Variants in ZC3H14 observed in about 807,000 individuals in gnomAD.
The protein encoded by ZC3H14 is zinc finger CCCH domain-containing protein 14.
Under a neutral mutation model 92.4 loss-of-function variants are expected in ZC3H14, and 31 were observed. The observed-to-expected ratio is 0.34, with a 90% CI of 0.25 to 0.45. The LOEUF is 0.45. Ranked by LOEUF, ZC3H14 falls within the 20% of genes least tolerant of loss-of-function variation. The probability of loss-of-function intolerance (pLI) is 1.00; values close to 1 mark genes in which losing one functional copy is unlikely to be tolerated. For missense variants in ZC3H14, 781 were observed against 897.3 expected (o/e 0.87, Z 1.66); for synonymous variants, 321 against 300.9 (o/e 1.07, Z -0.69).
chr14:88,563,194 G>C (rs748912991), intron 1 of ZC3H14, 25 bp downstream of exon 1: 1 of 1,600,800 alleles, frequency 6.2e-7, no homozygotes, highest in Admixed American at 1.7e-5. Context: ...GGTCGGGGGT[G>C]GGAAGCCAGG....
intron 9 of ZC3H14, among the ~76,000 whole-genome samples, chr14:88,585,446 G>T (rs2082359744): frequency 6.6e-6 from 1 of 150,554 alleles, no homozygotes; most frequent in South Asian, 2.1e-4. Context: ...GCGCGATCTC[G>T]GCTCACCGCA....
rs564951376 is a variant in ZC3H14, at chr14:88,563,363, C to T, written c.36+194C>T. The stretch of plus-strand genomic sequence containing the variant: ...TTGCGGCCTCGGAGCGTGGCTGCGG[C>T]TGAAGTAGCCGCCGGGAAATGGAAG... On this transcript the variant is annotated intron_variant, in intron 1 of 16. Coordinates refer to ENST00000251038, the MANE Select transcript of ZC3H14 (RefSeq NM_024824.5). The T allele has an allele frequency of 2.4e-4, 340 of 1,445,992 alleles. 1 individual carries two copies. In the East Asian group the frequency reaches 8.0e-3, roughly 34 times the overall value. 89.6% of individuals were successfully genotyped at this position (1,445,992 alleles called of 1,614,324 possible).
At chr14:88,566,439 G>C (rs192638358) in intron 2 of ZC3H14, among the ~76,000 whole-genome samples, 1 of 152,164 alleles carries the variant, frequency 6.6e-6, no homozygotes, top group East Asian at 1.9e-4. Context: ...TTTGTTGTCA[G>C]GATTGTTGGA....
At position 88,621,974 on chromosome 14, in the gene ZC3H14, T is replaced by A. The variant is rs1430215377; in HGVS notation, c.*10223T>A. 2 of 430,840 alleles carry A rather than the reference T, an allele frequency of 4.6e-6. No individual in the cohort carries two copies. Among genetic ancestry groups the A allele is most frequent in the Admixed American group, 4.9e-5 (2 of 40,670 alleles). 26.7% of individuals were successfully genotyped at this position (430,840 alleles called of 1,614,324 possible). A position where few individuals can be genotyped will look rare whatever the true frequency, so the allele number is the denominator to read the frequency against. On this transcript the variant is annotated 3_prime_UTR_variant, in exon 17 of 17. Transcript: ENST00000251038. ...AGTACTACAGAATACTAAAACATAC[T>A]ATTCCTATCTGGCTGTGTAAACTTG...
In ZC3H14 at chr14:88,622,842, C is replaced by A. The variant is rs766095832; in HGVS notation, c.*11091C>A. The A allele has an allele frequency of 3.5e-5, 19 of 548,146 alleles. No individual in the cohort carries two copies. Among genetic ancestry groups the A allele is most frequent in the Non-Finnish European group, 5.4e-5 (18 of 332,094 alleles). The allele number at this position is 548,146 out of a possible 1,614,324, so 34.0% of individuals were successfully genotyped here. A position where few individuals can be genotyped will look rare whatever the true frequency, so the allele number is the denominator to read the frequency against. On this transcript the variant is annotated 3_prime_UTR_variant, in exon 17 of 17. Transcript: ENST00000251038. ...AAAAGGCCCTGATATTTATAATTTA[C>A]CTCTAATATTCTTGTAAACTTTCTA... is the stretch of plus-strand genomic sequence containing the variant.
Position 88,612,751 on chromosome 14 carries a change from G to A in ZC3H14, c.*1000G>A, listed in dbSNP as rs550701278. The stretch of plus-strand genomic sequence containing the variant: ...AGATAGGTAAACTGCAAGATAGATA[G>A]GATGAAACTTTTGGCCTACTGTATT... On this transcript the variant is annotated 3_prime_UTR_variant, in exon 17 of 17. Coordinates refer to ENST00000251038, the MANE Select transcript of ZC3H14 (RefSeq NM_024824.5). 9 of 152,688 alleles carry A rather than the reference G, an allele frequency of 5.9e-5. No homozygotes were observed. The highest frequency in any genetic ancestry group is 2.2e-4 in the African/African-American group (9 of 41,574). The allele number at this position is 152,688 out of a possible 1,614,324, so 9.5% of individuals were successfully genotyped here. A position where few individuals can be genotyped will look rare whatever the true frequency, so the allele number is the denominator to read the frequency against.
At chr14:88,574,659 A>T (rs2080932245) in intron 6 of ZC3H14, 34 bp from the exon 7 acceptor site, 1 of 1,612,920 alleles carries the variant, frequency 6.2e-7, no homozygotes, top group East Asian at 2.2e-5. Context: ...TTATTTTCTG[A>T]GATTAGGTAA....
rs2086183614 is a variant in ZC3H14, at chr14:88,609,509, G to A, written c.2005+106G>A. The A allele has an allele frequency of 3.8e-6, 6 of 1,571,190 alleles. No homozygotes were observed. The Admixed American group carries it at 1.0e-4, about 27-fold the overall frequency. On this transcript the variant is annotated intron_variant, in intron 14 of 16. Transcript: ENST00000251038. ...AAAAGATGGTTTCAGAAATAATTTTGGCAGGATCAGTTAATCCAACCAGTC... is the reference window on the plus strand; with the variant it reads ...AAAAGATGGTTTCAGAAATAATTTTAGCAGGATCAGTTAATCCAACCAGTC...
chr14:88,611,070 T>A, intron 16 of ZC3H14, 130 bp downstream of exon 16: 1 of 886,564 alleles, frequency 1.1e-6, no homozygotes, highest in Non-Finnish European at 1.8e-6. Context: ...GCTGTTTAAT[T>A]ATAGAAGGCT....
Position 88,627,467 on chromosome 14 carries a change from A to C in ZC3H14, c.*15716A>C, listed in dbSNP as rs934092339. ...TAATTTATCTGTTTTGTGAGGTTAC[A>C]GTTCCACTGGGCTTTTAAAGTGAAA... On this transcript the variant is annotated 3_prime_UTR_variant, in exon 17 of 17. Transcript: ENST00000251038. 2 of 560,930 alleles carry C rather than the reference A, an allele frequency of 3.6e-6. No homozygotes were observed. The highest frequency in any genetic ancestry group is 1.9e-5 in the African/African-American group (1 of 52,574). The allele number at this position is 560,930 out of a possible 1,614,324, so 34.7% of individuals were successfully genotyped here. A position where few individuals can be genotyped will look rare whatever the true frequency, so the allele number is the denominator to read the frequency against.
chr14:88,571,371 T>G lies in ZC3H14; in HGVS notation c.235+247T>G, dbSNP rs571698056. The stretch of plus-strand genomic sequence containing the variant: ...AATAATTACATATATGTGCAAAGAT[T>G]TAGCCTCAAGGATATTTCAGTATTT... On this transcript the variant is annotated intron_variant, in intron 4 of 16. Transcript: ENST00000251038. 1.1e-3 allele frequency among the ~76,000 whole-genome samples: 167 copies of G among 152,226 alleles called. 1 individual carries two copies. The highest frequency in any genetic ancestry group is 0.01 in the Middle Eastern group (3 of 294).
chr14:88,599,518 C>T (rs1437827435), intron 10 of ZC3H14, among the ~76,000 whole-genome samples: 2 of 152,150 alleles, frequency 1.3e-5, no homozygotes, highest in African/African-American at 4.8e-5. Flanking sequence ...GCTAACGTTC[C>T]GCTTGCAGAG....
Position 88,620,934 on chromosome 14 carries a change from T to TAA in ZC3H14, c.*9199_*9200dup, listed in dbSNP as rs35953031. On this transcript the variant is annotated 3_prime_UTR_variant, in exon 17 of 17. Coordinates refer to ENST00000251038, the MANE Select transcript of ZC3H14 (RefSeq NM_024824.5). The surrounding 1 kb of genome is among the most constrained non-coding windows in gnomAD (Gnocchi z 4.3). ...CACTTTGTTTAACATCTTCTGCATTTAAAAAAAAAAAAAAAAAGAGTCATA... is the reference window on the plus strand; with the variant it reads ...CACTTTGTTTAACATCTTCTGCATTTAAAAAAAAAAAAAAAAAAAGAGTCATA... 8,688 of 1,368,476 alleles carry TAA rather than the reference T, an allele frequency of 6.3e-3. 22 individuals are homozygous for TAA. Among genetic ancestry groups the TAA allele is most frequent in the African/African-American group, 0.029 (1,830 of 63,994 alleles). 84.8% of individuals were successfully genotyped at this position (1,368,476 alleles called of 1,614,324 possible).
In ZC3H14 at chr14:88,623,088, T is replaced by G. The variant is rs1437286953; in HGVS notation, c.*11337T>G. On this transcript the variant is annotated 3_prime_UTR_variant, in exon 17 of 17. Transcript: ENST00000251038. ...TTGAGTGCAGTGGCATGATCTAGGCTTATTGCAACCTCTGCCTCCCAGGTT... is the reference window on the plus strand; with the variant it reads ...TTGAGTGCAGTGGCATGATCTAGGCGTATTGCAACCTCTGCCTCCCAGGTT... 1 of 154,548 alleles carries G rather than the reference T, an allele frequency of 6.5e-6. No homozygotes were observed. The highest frequency in any genetic ancestry group is 1.4e-5 in the Non-Finnish European group (1 of 70,102). The allele number at this position is 154,548 out of a possible 1,614,324, so 9.6% of individuals were successfully genotyped here. A position where few individuals can be genotyped will look rare whatever the true frequency, so the allele number is the denominator to read the frequency against.
At chr14:88,594,952 A>C (rs766072617) in intron 9 of ZC3H14, 18 of 1,613,892 alleles carry the variant, frequency 1.1e-5, no homozygotes, top group East Asian at 1.1e-4. Context: ...TAGAGTGTCC[A>C]AGAATGAAGC....
At position 88,618,188 on chromosome 14, in the gene ZC3H14, T is replaced by A. The variant is rs1345755534; in HGVS notation, c.*6437T>A. On this transcript the variant is annotated 3_prime_UTR_variant, in exon 17 of 17. Transcript: ENST00000251038. Reference sequence around the variant, plus strand: ...AGAAATAGGATTTTCTAACTGGCCTTCAAAGTCAGTTCTTGCCTTGTGAAT... The same window carrying A: ...AGAAATAGGATTTTCTAACTGGCCTACAAAGTCAGTTCTTGCCTTGTGAAT... 6.4e-7 allele frequency: 1 copy of A among 1,572,322 alleles called. No individual in the cohort carries two copies. The highest frequency in any genetic ancestry group is 8.7e-7 in the Non-Finnish European group (1 of 1,145,390).
rs190217326 is a variant in ZC3H14 at position 88,609,879 on chromosome 14, G to A, written c.2097+76G>A. ...CTCATTTAACTTCTTTTTTGTCAGA[G>A]TTACTACATTGGTGCAAAAGTAATT... On this transcript the variant is annotated intron_variant, in intron 15 of 16. Transcript: ENST00000251038. The A allele has an allele frequency of 2.3e-3, 3,410 of 1,474,532 alleles. 22 individuals carry two copies. Among genetic ancestry groups the A allele is most frequent in the South Asian group, 8.5e-3 (741 of 87,222 alleles). 91.3% of individuals were successfully genotyped at this position (1,474,532 alleles called of 1,614,324 possible). A position where few individuals can be genotyped will look rare whatever the true frequency, so the allele number is the denominator to read the frequency against.
intron 12 of ZC3H14, among the ~76,000 whole-genome samples, chr14:88,606,977 A>G (rs144131886): frequency 5.5e-4 from 84 of 152,168 alleles, no homozygotes; most frequent in African/African-American, 2.0e-3. Context: ...AGTATTGAGA[A>G]TTAGAATTTT....
Position 88,616,930 on chromosome 14 carries a change from G to A in ZC3H14, c.*5179G>A. 1.3e-6 allele frequency: 2 copies of A among 1,564,432 alleles called. No homozygotes were observed. Among genetic ancestry groups the A allele is most frequent in the Admixed American group, 1.8e-5 (1 of 55,352 alleles). On this transcript the variant is annotated 3_prime_UTR_variant, in exon 17 of 17. Transcript: ENST00000251038. ...TCATCATGGCAAGTGCGGGCAGGTT[G>A]ACTATATTCAAAAAGTTTCTTGGCA...
Sources: allele counts gnomAD v4.1 joint callset (sites outside exome capture counted in the v4.1 genomes callset), GRCh38; gene constraint gnomAD v4.1.1; non-coding constraint Gnocchi (gnomAD v3.1); transcripts MANE v1.5; gene names NCBI Gene and HGNC (gene_info 2026-07-23, HGNC 2026-07-21).